AHNAK2: variants seen among roughly 807,000 people sequenced by gnomAD.
The protein encoded by AHNAK2 is AHNAK nucleoprotein 2.
In AHNAK2, 18 loss-of-function variants were observed where a neutral mutation model predicts 30.7. The ratio of observed to expected loss-of-function variants is 0.59; its 90% confidence interval spans 0.41 to 0.87. AHNAK2 has a LOEUF of 0.87. AHNAK2 is among the 40% of genes least tolerant of loss of function. The pLI is 0.00. For missense variants in AHNAK2, 8,604 were observed against 7,373.0 expected, an observed-to-expected ratio of 1.17 and a Z score of -6.11; for synonymous variants, 3,590 against 3,073.8, an observed-to-expected ratio of 1.17 and a Z score of -5.56.
chr14:104,956,214 T>C (rs1898971387), intron 4 of AHNAK2, among the ~76,000 whole-genome samples: 1 of 152,148 alleles, frequency 6.6e-6, no homozygotes. Flanking sequence ...GCACCTTCCA[T>C]AGTTCCATGG....
At chr14:104,961,475 A>AGG (rs1899145409) in intron 1 of AHNAK2, among the ~76,000 whole-genome samples, 4 of 151,582 alleles carry the variant, frequency 2.6e-5, no homozygotes, top group Non-Finnish European at 5.9e-5. Context: ...AGATCGCGTC[A>AGG]CTGCACTCCA....
chr14:104,978,097 C>A, intron 1 of AHNAK2, 86 bp downstream of exon 1: 2 of 1,106,596 alleles, frequency 1.8e-6, no homozygotes, highest in Non-Finnish European at 2.3e-6. Context: ...GCCCGCACTG[C>A]GCGCCCCTGG....
intron 1 of AHNAK2, among the ~76,000 whole-genome samples, chr14:104,971,608 T>C (rs1899473757): frequency 6.6e-6 from 1 of 152,106 alleles, no homozygotes; most frequent in Non-Finnish European, 1.5e-5. Flanking sequence ...AAGTGGTGGC[T>C]GAGAAACACC....
chr14:104,955,496 A>C lies in AHNAK2; in HGVS notation c.453T>G (p.Phe151Leu), dbSNP rs368812158. 6.8e-5 allele frequency: 110 copies of C among 1,613,002 alleles called. No homozygotes were observed. Among genetic ancestry groups the C allele is most frequent in the Non-Finnish European group, 8.9e-5 (105 of 1,179,604 alleles). The change falls in exon 5 of 7, where the codon TTT (phenylalanine) becomes TTG (leucine). Residue 151 changes from phenylalanine to leucine, a missense_variant. Transcript: ENST00000333244. ...CTGCCATGGCACCTTCTCTCAAGTT[A>C]AAAAGCTTGGCGGCTGAGGAGTCCT... Reference protein sequence around the residue: ...VLKDSSAAKLFNLREGDQLLS... With the variant: ...VLKDSSAAKLLNLREGDQLLS...
At chr14:104,959,403 C>T (rs1019137335) in intron 1 of AHNAK2, among the ~76,000 whole-genome samples, 1 of 152,194 alleles carries the variant, frequency 6.6e-6, no homozygotes, top group Non-Finnish European at 1.5e-5. Flanking sequence ...AACTCTTGAC[C>T]TCGTGATCCG....
chr14:104,951,529 C>A lies in AHNAK2; in HGVS notation c.3922G>T (p.Ala1308Ser), dbSNP rs532275274. The part of the protein sequence containing the change: ...MQAPGAKLDG[A>S]QLDGDLSLAD... ...AGGGACAGGTCCCCGTCCAGCTGTGCGCCATCCAACTTGGCTCCCGGGGCC... is the reference window on the plus strand; with the variant it reads ...AGGGACAGGTCCCCGTCCAGCTGTGAGCCATCCAACTTGGCTCCCGGGGCC... Residue 1308 changes from alanine to serine, a missense_variant, in exon 7 of 7, where the codon GCA (alanine) becomes TCA (serine). Transcript: ENST00000333244. The A allele has an allele frequency of 8.0e-7, 1 of 1,247,800 alleles. No individual in the cohort carries two copies. Among genetic ancestry groups the A allele is most frequent in the Non-Finnish European group, 1.1e-6 (1 of 881,298 alleles). 77.3% of individuals were successfully genotyped at this position (1,247,800 alleles called of 1,614,324 possible).
chr14:104,947,792 C>T lies in AHNAK2; in HGVS notation c.7659G>A (p.Glu2553=), dbSNP rs749126563. 3.1e-6 allele frequency: 5 copies of T among 1,612,716 alleles called. No homozygotes were observed. The South Asian group carries it at 5.5e-5, about 18-fold the overall frequency. Residue 2553 remains glutamate, a synonymous_variant, in exon 7 of 7, where the codon GAG becomes GAA. Transcript: ENST00000333244. ...QAGQVDVKLP[E]GPVPEGAGLK... Reference sequence around the variant, plus strand: ...GGCCGGCTCCCTCCGGCACAGGGCCCTCTGGGAGTTTCACGTCCACTTGGC... The same window carrying T: ...GGCCGGCTCCCTCCGGCACAGGGCCTTCTGGGAGTTTCACGTCCACTTGGC...
intron 5 of AHNAK2, 139 bp downstream of exon 5, chr14:104,955,344 A>C (rs1440327697): frequency 1.1e-5 from 15 of 1,358,228 alleles, no homozygotes; most frequent in Non-Finnish European, 1.5e-5. Context: ...GGGTGATCCC[A>C]GCCTCAAGCT....
In AHNAK2 at chr14:104,941,554, G is replaced by GT; in HGVS notation, c.13896dup (p.Leu4633ThrfsTer7). 6.2e-7 allele frequency: 1 copy of GT among 1,613,154 alleles called. No individual in the cohort carries two copies. Among genetic ancestry groups the GT allele is most frequent in the Non-Finnish European group, 8.5e-7 (1 of 1,179,894 alleles). ...GACCATTCAAAACCAGACGTGCTCA[G>GT]TTTTGGTCCTTGAAACTTACTGTCT... On this transcript the variant is annotated frameshift_variant, in exon 7 of 7. Coordinates refer to ENST00000333244, the MANE Select transcript of AHNAK2 (RefSeq NM_138420.4). LOFTEE classifies it low-confidence loss of function (END_TRUNC).
At position 104,957,394 on chromosome 14, in the gene AHNAK2, T is replaced by C. The variant is rs1899007188; in HGVS notation, c.213+16A>G. 2 of 1,567,428 alleles carry C rather than the reference T, an allele frequency of 1.3e-6. No individual in the cohort carries two copies. The highest frequency in any genetic ancestry group is 2.7e-5 in the African/African-American group (2 of 73,650). On this transcript the variant is annotated intron_variant, in intron 3 of 6. Coordinates refer to ENST00000333244, the MANE Select transcript of AHNAK2 (RefSeq NM_138420.4). ...GGAGACCTGGGTGCCTGTGGGGCTC[T>C]GCCCAGCAGGCTCACCTGGAGTCCA...
Position 104,950,126 on chromosome 14 carries a change from C to T in AHNAK2, c.5325G>A (p.Ala1775=), listed in dbSNP as rs375331989. The T allele has an allele frequency of 3.8e-5, 60 of 1,587,080 alleles. 2 individuals carry two copies. The African/African-American group carries it at 4.3e-4, about 11-fold the overall frequency. Residue 1775 remains alanine, a synonymous_variant, in exon 7 of 7, where the codon GCG becomes GCA. Transcript: ENST00000333244. ...CCTCCACGTCGGGGGCCATCACCTC[C>T]GCCTTGGGGCCTTTCAGGTCCAGCT... ...GPKLDLKGPK[A]EVMAPDVEVS...
intron 1 of AHNAK2, 27 bp from the exon 2 acceptor site, chr14:104,957,699 G>A: frequency 6.2e-7 from 1 of 1,601,876 alleles, no homozygotes; most frequent in Non-Finnish European, 8.5e-7. Flanking sequence ...TGTCAGTGGA[G>A]ACAAGCAGGC....
chr14:104,970,707 AC>A (rs1265265622), intron 1 of AHNAK2, among the ~76,000 whole-genome samples: 1 of 151,590 alleles, frequency 6.6e-6, no homozygotes, highest in East Asian at 1.9e-4. Context: ...TGGGGACCCC[AC>A]CCTGAGTGCC....
intron 1 of AHNAK2, among the ~76,000 whole-genome samples, chr14:104,970,767 C>A (rs892312727): frequency 2.0e-5 from 3 of 152,250 alleles, no homozygotes; most frequent in Non-Finnish European, 2.9e-5. Flanking sequence ...CGCTCTGAGT[C>A]ACACAGCCAG....
In AHNAK2 at chr14:104,946,171, T is replaced by G. The variant is rs1898257865; in HGVS notation, c.9280A>C (p.Lys3094Gln). 1.2e-6 allele frequency: 2 copies of G among 1,611,284 alleles called. No homozygotes were observed. Among genetic ancestry groups the G allele is most frequent in the Non-Finnish European group, 1.7e-6 (2 of 1,179,028 alleles). ...KGPKLDLKGPKTDVTAPDVEV... is the reference protein window; with the variant it reads ...KGPKLDLKGPQTDVTAPDVEV... ...ACGTCGGGGGCCGTCACGTCCGTCT[T>G]CGGGCCTTTCAGGTCCAGCTTGGGG... The change falls in exon 7 of 7, where the codon AAG becomes CAG. Residue 3094 changes from lysine to glutamine, a missense_variant. Lys to Gln is a moderately conservative substitution (Grantham distance 53). Coordinates refer to ENST00000333244, the MANE Select transcript of AHNAK2 (RefSeq NM_138420.4).
At position 104,948,616 on chromosome 14, in the gene AHNAK2, C is replaced by T. The variant is rs758629751; in HGVS notation, c.6835G>A (p.Val2279Met). Residue 2279 changes from valine (V) to methionine (M), a missense_variant, in exon 7 of 7, where the codon GTG (valine) becomes ATG (methionine). Val to Met is a conservative substitution (Grantham distance 21). Transcript: ENST00000333244. Reference sequence around the variant, plus strand: ...TCCACCTCCACGCTGGGCAGAGACACCTCCACATCAGGGGCTGTCACTTCC... The same window carrying T: ...TCCACCTCCACGCTGGGCAGAGACATCTCCACATCAGGGGCTGTCACTTCC... ...KVEVTAPDVEVSLPSVEVDVK... is the reference protein window; with the variant it reads ...KVEVTAPDVEMSLPSVEVDVK... 9.9e-6 allele frequency: 16 copies of T among 1,612,524 alleles called. No homozygotes were observed. In the African/African-American group the frequency reaches 1.8e-4, roughly 18 times the overall value.
chr14:104,954,353 G>A lies in AHNAK2; in HGVS notation c.1098C>T (p.Leu366=), dbSNP rs200338744. The A allele has an allele frequency of 1.5e-5, 25 of 1,613,266 alleles. No individual in the cohort carries two copies. The highest frequency in any genetic ancestry group is 3.3e-4 in the Middle Eastern group (2 of 6,062). ...LEELGPWGDS[L]EETGAATGSR... ...TGCCTGTGGCAGCCCCAGTCTCCTC[G>A]AGGCTATCACCCCAGGGCCCCAACT... The change falls in exon 7 of 7, where the codon CTC becomes CTT. Residue 366 remains leucine (L), a synonymous_variant. Transcript: ENST00000333244. This position sits in a 1 kb window ranked among gnomAD's most constrained non-coding sequence, Gnocchi z 4.3.
chr14:104,967,389 G>A (rs1899335130), intron 1 of AHNAK2, among the ~76,000 whole-genome samples: 1 of 152,250 alleles, frequency 6.6e-6, no homozygotes, highest in African/African-American at 2.4e-5. Flanking sequence ...CCCCTGAGCT[G>A]GGCACAGCCG....
Position 104,945,035 on chromosome 14 carries a change from C to T in AHNAK2, c.10416G>A (p.Lys3472=), listed in dbSNP as rs563587714. 1.5e-5 allele frequency: 24 copies of T among 1,613,168 alleles called. No homozygotes were observed. Among genetic ancestry groups the T allele is most frequent in the Middle Eastern group, 3.3e-4 (2 of 6,060 alleles). The change falls in exon 7 of 7, where the codon AAG becomes AAA. Residue 3472 remains lysine, a synonymous_variant. Transcript: ENST00000333244. ...GCATCTTGAACTTGGGCATTTTGAA[C>T]TTGCTGTCTTTGGCAGTCACATCCT... ...AEKDVTAKDS[K]FKMPKFKMPS...
Sources: allele counts gnomAD v4.1 joint callset (sites outside exome capture counted in the v4.1 genomes callset), GRCh38; gene constraint gnomAD v4.1.1; non-coding constraint Gnocchi (gnomAD v3.1); transcripts MANE v1.5; gene names NCBI Gene and HGNC (gene_info 2026-07-23, HGNC 2026-07-21).